PHF20: variants seen among roughly 807,000 people sequenced by gnomAD.
PHF20 encodes glioma-expressed antigen 2.
PHF20 carries 23 observed loss-of-function variants against 113.5 expected under a neutral mutation model. The observed-to-expected ratio is 0.20, with a 90% CI of 0.15 to 0.29. PHF20 has a LOEUF of 0.29. Among genes scored for constraint, PHF20 ranks in the 10% least tolerant of loss-of-function variants. PHF20 has a pLI of 1.00. For missense variants in PHF20, 943 were observed against 1,219.6 expected (o/e 0.77, Z 3.38); for synonymous variants, 434 against 457.3 (o/e 0.95, Z 0.65).
At chr20:35,939,749 T>G (rs763312513) in intron 16 of PHF20, among the ~76,000 whole-genome samples, 2 of 152,240 alleles carry the variant, frequency 1.3e-5, no homozygotes, top group Non-Finnish European at 2.9e-5. Context: ...AGTGAGGCTT[T>G]GTATGATTTG....
chr20:35,792,880 C>T (rs2041584989), intron 1 of PHF20, among the ~76,000 whole-genome samples: 1 of 152,086 alleles, frequency 6.6e-6, no homozygotes, highest in South Asian at 2.1e-4. Flanking sequence ...GCTGTTGATC[C>T]CATCTTATAG....
At chr20:35,941,135 T>C (rs1468629583) in intron 17 of PHF20, 88 bp downstream of exon 17, 2 of 1,033,756 alleles carry the variant, frequency 1.9e-6, no homozygotes, top group African/African-American at 3.2e-5. Context: ...AGTCTGAGTT[T>C]ACAGGGACCG....
chr20:35,839,442 CAG>C (rs1405687769), intron 2 of PHF20, among the ~76,000 whole-genome samples: 4 of 147,110 alleles, frequency 2.7e-5, no homozygotes, highest in Non-Finnish European at 6.0e-5. Flanking sequence ...TGTGTTAAGA[CAG>C]ATTGTGTTAT....
At chr20:35,897,035 GTTA>G (rs2054999087) in intron 9 of PHF20, among the ~76,000 whole-genome samples, 1 of 151,724 alleles carries the variant, frequency 6.6e-6, no homozygotes, top group Non-Finnish European at 1.5e-5. Context: ...TATTATTATT[GTTA>G]TTCATACATT....
At chr20:35,817,499 T>C (rs1481107884) in intron 2 of PHF20, among the ~76,000 whole-genome samples, 3 of 152,092 alleles carry the variant, frequency 2.0e-5, no homozygotes, top group African/African-American at 7.2e-5. Context: ...TTTCTGCATT[T>C]AAATTATTTT....
chr20:35,826,454 G>GGGT (rs1319986340), intron 2 of PHF20, among the ~76,000 whole-genome samples: 1 of 152,156 alleles, frequency 6.6e-6, no homozygotes, highest in Admixed American at 6.6e-5. Context: ...AACCAGGGTT[G>GGGT]GGTGGCAGTT....
At chr20:35,938,161 C>T (rs1272135403) in intron 15 of PHF20, among the ~76,000 whole-genome samples, 1 of 152,072 alleles carries the variant, frequency 6.6e-6, no homozygotes, top group Non-Finnish European at 1.5e-5. Context: ...TGTGAGCCAC[C>T]GCCCCCGGCC....
At chr20:35,807,560 C>T (rs2041906661) in intron 2 of PHF20, among the ~76,000 whole-genome samples, 1 of 151,910 alleles carries the variant, frequency 6.6e-6, no homozygotes, top group African/African-American at 2.4e-5. Flanking sequence ...GCCATTTTGG[C>T]CAGGCTGGTC....
chr20:35,875,997 T>C (rs1311571456), intron 9 of PHF20, among the ~76,000 whole-genome samples: 1 of 152,172 alleles, frequency 6.6e-6, no homozygotes, highest in Admixed American at 6.6e-5. Flanking sequence ...TCAAGTATAG[T>C]AAGGGTGGGA....
chr20:35,795,410 T>A (rs1001428383), intron 1 of PHF20, among the ~76,000 whole-genome samples: 2 of 151,836 alleles, frequency 1.3e-5, no homozygotes, highest in Non-Finnish European at 2.9e-5. Flanking sequence ...AATTTCTGTA[T>A]TTTTTTAGTA....
intron 9 of PHF20, among the ~76,000 whole-genome samples, chr20:35,891,866 T>G (rs181463290): frequency 1.3e-5 from 2 of 152,054 alleles, no homozygotes; most frequent in Admixed American, 1.3e-4. Flanking sequence ...TATATATTAT[T>G]TATTTATTTA....
chr20:35,805,162 C>T (rs1360518568), intron 2 of PHF20, among the ~76,000 whole-genome samples: 2 of 151,846 alleles, frequency 1.3e-5, no homozygotes, highest in East Asian at 3.9e-4. Context: ...ACTCGGCCTC[C>T]TGAGTGCTGG....
In PHF20 at chr20:35,931,256, G is replaced by T. The variant is rs1191997921; in HGVS notation, c.2112G>T (p.Arg704Ser). 1 of 1,610,192 alleles carries T rather than the reference G, an allele frequency of 6.2e-7. No individual in the cohort carries two copies. The highest frequency in any genetic ancestry group is 8.5e-7 in the Non-Finnish European group (1 of 1,177,050). The change falls in exon 15 of 18, where the codon AGG becomes AGT. Residue 704 changes from arginine to serine, a missense_variant. Transcript: ENST00000374012. ...CYVCQDPPGQ[R>S]PGFKYWYDKE... The stretch of plus-strand genomic sequence containing the variant: ...TTGTTGTCACTGCTGTAGGTCAGAG[G>T]CCTGGCTTCAAGTACTGGTATGACA...
At chr20:35,823,236 A>G (rs1600785603) in intron 2 of PHF20, among the ~76,000 whole-genome samples, 1 of 152,246 alleles carries the variant, frequency 6.6e-6, no homozygotes, top group South Asian at 2.1e-4. Flanking sequence ...CTCAACCCAT[A>G]GTAAAATTCG....
intron 1 of PHF20, among the ~76,000 whole-genome samples, chr20:35,779,835 T>C (rs1300991720): frequency 1.3e-5 from 2 of 152,200 alleles, no homozygotes; most frequent in African/African-American, 4.8e-5. Flanking sequence ...CCTTTCTTGC[T>C]TCTACAGGTG....
chr20:35,794,023 G>T (rs1449651496), intron 1 of PHF20, among the ~76,000 whole-genome samples: 1 of 105,758 alleles, frequency 9.5e-6, no homozygotes, highest in Non-Finnish European at 1.9e-5. Context: ...AAAAAGGCCA[G>T]GCGCGGTGGC....
intron 9 of PHF20, among the ~76,000 whole-genome samples, chr20:35,874,157 G>A (rs1172947566): frequency 6.6e-6 from 1 of 152,096 alleles, no homozygotes; most frequent in Non-Finnish European, 1.5e-5. Flanking sequence ...TGTATTTTTA[G>A]TAGAGATGGG....
At chr20:35,926,518 C>T (rs924606805) in intron 13 of PHF20, among the ~76,000 whole-genome samples, 6 of 152,152 alleles carry the variant, frequency 3.9e-5, no homozygotes, top group Middle Eastern at 3.4e-3. Context: ...GGATTACAAG[C>T]GTGAGCCACC....
chr20:35,853,836 C>T (rs1417661606), intron 4 of PHF20, among the ~76,000 whole-genome samples: 1 of 151,364 alleles, frequency 6.6e-6, no homozygotes, highest in East Asian at 1.9e-4. Flanking sequence ...ATCACTACAA[C>T]CTCTGCCTCC....
Sources: gnomAD v4.1 joint callset for allele counts (sites outside exome capture counted in the v4.1 genomes callset) on GRCh38, gnomAD v4.1.1 for gene constraint, MANE v1.5 for transcripts, NCBI Gene and HGNC (gene_info 2026-07-23, HGNC 2026-07-21) for gene names.